Variants in ADGRL3 observed in about 807,000 individuals in gnomAD.
The protein encoded by ADGRL3 is adhesion G protein-coupled receptor L3, also known as calcium-independent alpha-latrotoxin receptor 3.
ADGRL3 carries 62 observed loss-of-function variants against 153.5 expected under a neutral mutation model. The observed-to-expected ratio is 0.40, with a 90% CI of 0.33 to 0.50. ADGRL3 has a LOEUF of 0.50. ADGRL3 is among the 20% of genes least tolerant of loss of function. The pLI, the probability that ADGRL3 is intolerant of heterozygous loss-of-function variation, is 0.47. For missense variants in ADGRL3, 1,641 were observed against 1,859.4 expected (o/e 0.88, Z 2.16); for synonymous variants, 710 against 672.5 (o/e 1.06, Z -0.86).
intron 4 of ADGRL3, among the ~76,000 whole-genome samples, chr4:61,554,579 G>A (rs1490053932): frequency 6.6e-6 from 1 of 152,144 alleles, no homozygotes; most frequent in Non-Finnish European, 1.5e-5. Context: ...TGTGTGCACT[G>A]TGTGCATGTG....
At chr4:61,843,537 G>C (rs2098066180) in intron 9 of ADGRL3, among the ~76,000 whole-genome samples, 1 of 152,054 alleles carries the variant, frequency 6.6e-6, no homozygotes, top group Non-Finnish European at 1.5e-5. Context: ...TCACAAAGTA[G>C]ACTCTATGAA....
chr4:61,664,521 C>CT (rs896219012), intron 5 of ADGRL3, among the ~76,000 whole-genome samples: 5 of 152,026 alleles, frequency 3.3e-5, no homozygotes, highest in Non-Finnish European at 7.4e-5. Context: ...AGCTACAATA[C>CT]TTTTTTTTAA....
chr4:61,683,453 G>A (rs992935990), intron 6 of ADGRL3, among the ~76,000 whole-genome samples: 1 of 152,054 alleles, frequency 6.6e-6, no homozygotes, highest in Non-Finnish European at 1.5e-5. Context: ...GCAATGAGGG[G>A]ATACAGGGGT....
intron 5 of ADGRL3, among the ~76,000 whole-genome samples, chr4:61,658,082 G>A (rs1328783682): frequency 6.6e-6 from 1 of 152,042 alleles, no homozygotes; most frequent in African/African-American, 2.4e-5. Context: ...GCTTCTTTTT[G>A]TATTCTTTTT....
chr4:61,276,391 A>G (rs942391004), intron 1 of ADGRL3, among the ~76,000 whole-genome samples: 1 of 152,136 alleles, frequency 6.6e-6, no homozygotes, highest in African/African-American at 2.4e-5. Context: ...TTTGTTATAC[A>G]TTTGCCTCCT....
At chr4:61,765,405 G>A (rs2096964647) in intron 8 of ADGRL3, among the ~76,000 whole-genome samples, 2 of 151,824 alleles carry the variant, frequency 1.3e-5, no homozygotes, top group Admixed American at 6.5e-5. Flanking sequence ...AGAAGGGAAA[G>A]TGGTAAAAGT....
chr4:61,536,412 C>A (rs954039015), intron 4 of ADGRL3, among the ~76,000 whole-genome samples: 1 of 151,972 alleles, frequency 6.6e-6, no homozygotes, highest in African/African-American at 2.4e-5. Context: ...GCTCAAGAGT[C>A]TAGTTTAAGT....
At position 61,221,642 on chromosome 4, in the gene ADGRL3, A is replaced by G. The variant is rs146448505; in HGVS notation, c.-240+19877A>G. On this transcript the variant is annotated intron_variant, in intron 1 of 26. Transcript: ENST00000683033. ...ATTTTTCCATGTTTTTGAGTCTCTT[A>G]TTAGAATTAATACTTTTACAATAAG... Among the ~76,000 whole-genome samples, 78 of 152,246 alleles carry G rather than the reference A, an allele frequency of 5.1e-4. 2 individuals carry two copies. The East Asian group carries it at 0.014, about 27-fold the overall frequency.
In ADGRL3 at chr4:62,070,885, G is replaced by A; in HGVS notation, c.4609G>A (p.Ala1537Thr). The change falls in exon 27 of 27, where the codon GCT becomes ACT. Residue 1537 changes from alanine (A) to threonine (T), a missense_variant. By Grantham distance (58) the Ala-to-Thr change is moderately conservative (BLOSUM62 0). Coordinates refer to ENST00000683033, the MANE Select transcript of ADGRL3 (RefSeq NM_001387552.1). ...TPPEGSSKGPAHLVTSL is the reference protein window; with the variant it reads ...TPPEGSSKGPTHLVTSL ...TCCCGAGGGAAGTTCAAAAGGACCGGCTCATTTGGTCACTAGTCTATAGAA... is the reference window on the plus strand; with the variant it reads ...TCCCGAGGGAAGTTCAAAAGGACCGACTCATTTGGTCACTAGTCTATAGAA... 6.5e-7 allele frequency: 1 copy of A among 1,550,174 alleles called. No individual in the cohort carries two copies. Among genetic ancestry groups the A allele is most frequent in the Non-Finnish European group, 8.7e-7 (1 of 1,146,170 alleles).
chr4:61,366,503 G>T (rs1368805872), intron 1 of ADGRL3, among the ~76,000 whole-genome samples: 1 of 152,128 alleles, frequency 6.6e-6, no homozygotes, highest in East Asian at 1.9e-4. Context: ...AAATAAAGCG[G>T]ATTTGGACCA....
At chr4:61,569,502 G>A (rs940431516) in intron 4 of ADGRL3, among the ~76,000 whole-genome samples, 3 of 152,122 alleles carry the variant, frequency 2.0e-5, no homozygotes, top group Non-Finnish European at 4.4e-5. Flanking sequence ...GGAAGCTTAG[G>A]CAGCAGGATT....
intron 1 of ADGRL3, among the ~76,000 whole-genome samples, chr4:61,373,382 A>G (rs1436645579): frequency 1.3e-5 from 2 of 152,234 alleles, no homozygotes; most frequent in Non-Finnish European, 2.9e-5. Context: ...AATAAGAGAC[A>G]TAACAATTTT....
At chr4:61,221,386 G>A (rs559106998) in intron 1 of ADGRL3, among the ~76,000 whole-genome samples, 2 of 152,142 alleles carry the variant, frequency 1.3e-5, no homozygotes, top group African/African-American at 4.8e-5. Context: ...TTCAAAGGTG[G>A]GCTCGTAATA....
chr4:61,377,990 G>A (rs1264290411), intron 1 of ADGRL3, among the ~76,000 whole-genome samples: 2 of 151,730 alleles, frequency 1.3e-5, no homozygotes, highest in African/African-American at 4.8e-5. Flanking sequence ...AAATATTTAG[G>A]GATTTCCAAA....
intron 1 of ADGRL3, among the ~76,000 whole-genome samples, chr4:61,204,663 T>C (rs1736305633): frequency 6.6e-6 from 1 of 152,234 alleles, no homozygotes; most frequent in South Asian, 2.1e-4. Context: ...ACCTGATCTA[T>C]TTGTGTATAT....
chr4:61,541,468 T>G (rs1202618681), intron 4 of ADGRL3, among the ~76,000 whole-genome samples: 1 of 151,664 alleles, frequency 6.6e-6, no homozygotes, highest in East Asian at 2.0e-4. Context: ...ATTTTATATC[T>G]TTGAAAGCCT....
chr4:62,031,991 A>G (rs1167938641), intron 23 of ADGRL3, among the ~76,000 whole-genome samples: 1 of 132,400 alleles, frequency 7.6e-6, no homozygotes, highest in East Asian at 2.1e-4. Flanking sequence ...ACACACACAC[A>G]CATGGATATA....
chr4:61,206,646 A>G (rs558395505), intron 1 of ADGRL3, among the ~76,000 whole-genome samples: 1 of 152,214 alleles, frequency 6.6e-6, no homozygotes, highest in East Asian at 1.9e-4. Context: ...TTCCCAGTTT[A>G]TCAATACTTG....
intron 5 of ADGRL3, among the ~76,000 whole-genome samples, chr4:61,596,450 G>T (rs1450277459): frequency 1.3e-5 from 2 of 152,034 alleles, no homozygotes; most frequent in African/African-American, 4.8e-5. Flanking sequence ...GGTAACTTTG[G>T]TTTATTATAT....
Sources: allele counts gnomAD v4.1 joint callset (sites outside exome capture counted in the v4.1 genomes callset), GRCh38; gene constraint gnomAD v4.1.1; transcripts MANE v1.5; gene names NCBI Gene and HGNC (gene_info 2026-07-23, HGNC 2026-07-21).